GET3: variants seen among roughly 807,000 people sequenced by gnomAD.
GET3 encodes ATPase GET3.
Under a neutral mutation model 32.4 loss-of-function variants are expected in GET3, and 15 were observed. The ratio of observed to expected loss-of-function variants is 0.46; its 90% CI spans 0.31 to 0.71. The LOEUF (loss-of-function observed/expected upper bound fraction) is 0.71. Among genes scored for constraint, GET3 ranks in the 30% least tolerant of loss-of-function variants. The pLI is 0.05. For missense variants in GET3, 333 were observed against 459.0 expected, an observed-to-expected ratio of 0.73 and a Z score of 2.51; for synonymous variants, 198 against 185.6, an observed-to-expected ratio of 1.07 and a Z score of -0.54.
chr19:12,747,668 C>G lies in GET3; in HGVS notation c.915+76C>G, dbSNP rs1967799597. On this transcript the variant is annotated intron_variant, in intron 6 of 6. Coordinates refer to ENST00000357332, the MANE Select transcript of GET3 (RefSeq NM_004317.4). The surrounding 1 kb of genome is among the most constrained non-coding windows in gnomAD (Gnocchi z 4.0). Reference sequence around the variant, plus strand: ...ATTCTCTGATCTTTTGCTCCACCATCTGGCCCTCTGCCCTCTAGCCTCCTG... The same window carrying G: ...ATTCTCTGATCTTTTGCTCCACCATGTGGCCCTCTGCCCTCTAGCCTCCTG... 6.6e-7 allele frequency: 1 copy of G among 1,509,598 alleles called. No individual in the cohort carries two copies. The highest frequency in any genetic ancestry group is 1.4e-5 in the African/African-American group (1 of 72,500). The allele number at this position is 1,509,598 out of a possible 1,614,324, so 93.5% of individuals were successfully genotyped here. A position where few individuals can be genotyped will look rare whatever the true frequency, so the allele number is the denominator to read the frequency against.
Position 12,745,574 on chromosome 19 carries a change from C to A in GET3, c.459-35C>A, listed in dbSNP as rs149493602. 1.2e-6 allele frequency: 2 copies of A among 1,612,102 alleles called. No individual in the cohort carries two copies. Among genetic ancestry groups the A allele is most frequent in the South Asian group, 1.1e-5 (1 of 91,080 alleles). On this transcript the variant is annotated intron_variant, in intron 3 of 6. Transcript: ENST00000357332. The surrounding 1 kb of genome is among the most constrained non-coding windows in gnomAD (Gnocchi z 5.0). ...GGGGCTGCCTGGGGAAGGGGAAGAG[C>A]GGACACAGAGGGCCTGACCCCTGTC...
At chr19:12,744,255 A>G (rs1445775156) in intron 2 of GET3, among the ~76,000 whole-genome samples, 1 of 150,056 alleles carries the variant, frequency 6.7e-6, no homozygotes, top group Non-Finnish European at 1.5e-5. Flanking sequence ...ATTGAGTCTG[A>G]GACTGGCCAG....
In GET3 at chr19:12,747,388, C is replaced by T. The variant is rs780239553; in HGVS notation, c.718-7C>T. On this transcript the variant is annotated splice_polypyrimidine_tract_variant and splice_region_variant and intron_variant, in intron 5 of 6. Transcript: ENST00000357332. The surrounding 1 kb of genome is among the most constrained non-coding windows in gnomAD (Gnocchi z 4.0). ...CGCCCCTCACTGTCCTCTCTCGTGCCCTGTAGGAGCAGACAACTTTCATCT... is the reference window on the plus strand; with the variant it reads ...CGCCCCTCACTGTCCTCTCTCGTGCTCTGTAGGAGCAGACAACTTTCATCT... 8.7e-6 allele frequency: 14 copies of T among 1,614,014 alleles called. No individual in the cohort carries two copies. Among genetic ancestry groups the T allele is most frequent in the Non-Finnish European group, 1.1e-5 (13 of 1,180,010 alleles).
Position 12,743,841 on chromosome 19 carries a change from T to G in GET3, c.310-1536T>G, listed in dbSNP as rs561827998. On this transcript the variant is annotated intron_variant, in intron 2 of 6. Coordinates refer to ENST00000357332, the MANE Select transcript of GET3 (RefSeq NM_004317.4). ...CCCCCTGGGGTTCATGCCATTCTCC[T>G]GCCTCAGCCTCCCAAGTAGCTGGGA... 3.5e-4 allele frequency among the ~76,000 whole-genome samples: 47 copies of G among 132,664 alleles called. No homozygotes were observed. In the East Asian group the frequency reaches 0.013, roughly 35 times the overall value. 87.0% of individuals were successfully genotyped at this position (132,664 alleles called of 152,430 possible).
At chr19:12,740,686 A>T (rs1230939622) in intron 2 of GET3, among the ~76,000 whole-genome samples, 1 of 152,184 alleles carries the variant, frequency 6.6e-6, no homozygotes, top group Non-Finnish European at 1.5e-5. Flanking sequence ...AAAATAATAA[A>T]TAAAAATAAA....
In GET3 at chr19:12,745,221, C is replaced by G. The variant is rs2145692903; in HGVS notation, c.310-156C>G. ...CCCTAAGTACTACCTCAGGGTCCCC[C>G]CAGCCGTGACCTAATGAAATGCCTG... On this transcript the variant is annotated intron_variant, in intron 2 of 6. Coordinates refer to ENST00000357332, the MANE Select transcript of GET3 (RefSeq NM_004317.4). This position sits in a 1 kb window ranked among gnomAD's most constrained non-coding sequence, Gnocchi z 5.0. Among the ~76,000 whole-genome samples, 1 of 152,014 alleles carries G rather than the reference C, an allele frequency of 6.6e-6. No homozygotes were observed. Among genetic ancestry groups the G allele is most frequent in the South Asian group, 2.1e-4 (1 of 4,816 alleles).
Position 12,747,230 on chromosome 19 carries a change from G to A in GET3, c.643G>A (p.Ala215Thr). Reference protein sequence around the residue: ...CNMLGLGDMNADQLASKLEET... With the variant: ...CNMLGLGDMNTDQLASKLEET... ...CATGCTGGGCCTGGGGGACATGAAC[G>A]CAGACCAGCTGGCCTCCAAGCTGGA... Residue 215 changes from alanine to threonine, a missense_variant, in exon 5 of 7, where the codon GCA becomes ACA. Coordinates refer to ENST00000357332, the MANE Select transcript of GET3 (RefSeq NM_004317.4). The surrounding 1 kb of genome is among the most constrained non-coding windows in gnomAD (Gnocchi z 4.0). 2 of 1,611,012 alleles carry A rather than the reference G, an allele frequency of 1.2e-6. No homozygotes were observed. Among genetic ancestry groups the A allele is most frequent in the Admixed American group, 1.7e-5 (1 of 59,702 alleles).
chr19:12,744,508 C>T (rs1377097133), intron 2 of GET3, among the ~76,000 whole-genome samples: 2 of 152,008 alleles, frequency 1.3e-5, no homozygotes, highest in African/African-American at 4.8e-5. Context: ...TTAGTAGAGA[C>T]GGGGTTTCAC....
At chr19:12,741,183 A>G (rs1293632059) in intron 2 of GET3, among the ~76,000 whole-genome samples, 6 of 152,076 alleles carry the variant, frequency 3.9e-5, no homozygotes, top group Non-Finnish European at 7.4e-5. Context: ...TTAGCTGGGC[A>G]TGGTGGCTCA....
Position 12,747,026 on chromosome 19 carries a change from G to A in GET3, c.610-171G>A, listed in dbSNP as rs1364342345. Among the ~76,000 whole-genome samples the A allele has an allele frequency of 6.7e-6, 1 of 149,026 alleles. No homozygotes were observed. Among genetic ancestry groups the A allele is most frequent in the Non-Finnish European group, 1.5e-5 (1 of 66,872 alleles). On this transcript the variant is annotated intron_variant, in intron 4 of 6. Coordinates refer to ENST00000357332, the MANE Select transcript of GET3 (RefSeq NM_004317.4). This position sits in a 1 kb window ranked among gnomAD's most constrained non-coding sequence, Gnocchi z 4.0. ...CTCCATTTCAAAAAAAAAAAAAAAAGAAAGAAAGAAATGGAAAAGCTAGTA... is the reference window on the plus strand; with the variant it reads ...CTCCATTTCAAAAAAAAAAAAAAAAAAAAGAAAGAAATGGAAAAGCTAGTA...
At position 12,738,506 on chromosome 19, in the gene GET3, C is replaced by T; in HGVS notation, c.162-5C>T. ...CCCCTATCTTTTGACTTTTCCATTA[C>T]TCAGCTGCAGCCTGGCAGTCCAGCT... On this transcript the variant is annotated splice_region_variant and splice_polypyrimidine_tract_variant and intron_variant, in intron 1 of 6. Transcript: ENST00000357332. 1 of 1,614,000 alleles carries T rather than the reference C, an allele frequency of 6.2e-7. No individual in the cohort carries two copies. Among genetic ancestry groups the T allele is most frequent in the Non-Finnish European group, 8.5e-7 (1 of 1,179,984 alleles).
intron 1 of GET3, among the ~76,000 whole-genome samples, chr19:12,738,106 T>A (rs1599446329): frequency 6.6e-6 from 1 of 151,960 alleles, no homozygotes; most frequent in South Asian, 2.1e-4. Flanking sequence ...GCAGGAGGTG[T>A]CCGTTGGACA....
chr19:12,738,060 G>C (rs1035521352), intron 1 of GET3, among the ~76,000 whole-genome samples: 1 of 152,188 alleles, frequency 6.6e-6, no homozygotes, highest in Non-Finnish European at 1.5e-5. Context: ...AAGCGAGGGA[G>C]AGAGCACGTG....
chr19:12,746,363 C>A (rs1435696414), intron 4 of GET3, among the ~76,000 whole-genome samples: 5 of 152,094 alleles, frequency 3.3e-5, no homozygotes, highest in Non-Finnish European at 7.4e-5. Flanking sequence ...GAACTCCTGG[C>A]CTCAAGCAGT....
chr19:12,744,793 A>AT (rs998420381), intron 2 of GET3, among the ~76,000 whole-genome samples: 4 of 151,344 alleles, frequency 2.6e-5, no homozygotes, highest in East Asian at 3.9e-4. Context: ...GGAAGGGCTA[A>AT]TTTTTTTTTC....
chr19:12,738,427 C>T, intron 1 of GET3, 84 bp from the exon 2 acceptor site: 2 of 1,557,616 alleles, frequency 1.3e-6, no homozygotes, highest in Non-Finnish European at 1.7e-6. Context: ...TCACCTGCTC[C>T]AGGGAACCTA....
At position 12,747,561 on chromosome 19, in the gene GET3, G is replaced by A. The variant is rs752633357; in HGVS notation, c.884G>A (p.Arg295His). ...PEKPCKMCEA[R>H]HKIQAKYLDQ... is the part of the protein sequence containing the mutation. ...AAGCCCTGCAAGATGTGTGAGGCCC[G>A]TCACAAGATCCAGGCCAAGTATCTG... is the stretch of plus-strand genomic sequence containing the variant. Residue 295 changes from arginine to histidine, a missense_variant, in exon 6 of 7, where the codon CGT becomes CAT. Coordinates refer to ENST00000357332, the MANE Select transcript of GET3 (RefSeq NM_004317.4). This position sits in a 1 kb window ranked among gnomAD's most constrained non-coding sequence, Gnocchi z 4.0. 8.7e-6 allele frequency: 14 copies of A among 1,613,112 alleles called. No homozygotes were observed. The highest frequency in any genetic ancestry group is 1.2e-5 in the Non-Finnish European group (14 of 1,179,874).
Position 12,745,546 on chromosome 19 carries a change from G to T in GET3, c.458+21G>T, listed in dbSNP as rs780415811. The T allele has an allele frequency of 3.1e-6, 5 of 1,612,744 alleles. No individual in the cohort carries two copies. Among genetic ancestry groups the T allele is most frequent in the South Asian group, 2.2e-5 (2 of 91,092 alleles). ...ATGAGGTCAGGCCCAGCCAGCAGGG[G>T]TGGGGGCTGCCTGGGGAAGGGGAAG... On this transcript the variant is annotated intron_variant, in intron 3 of 6. Transcript: ENST00000357332. The surrounding 1 kb of genome is among the most constrained non-coding windows in gnomAD (Gnocchi z 5.0).
chr19:12,740,862 T>A (rs1207231123), intron 2 of GET3, among the ~76,000 whole-genome samples: 2 of 152,060 alleles, frequency 1.3e-5, no homozygotes, highest in African/African-American at 4.8e-5. Flanking sequence ...ATGAGGGTGT[T>A]GGCAGCCAAT....
Sources: allele counts gnomAD v4.1 joint callset (sites outside exome capture counted in the v4.1 genomes callset), GRCh38; gene constraint gnomAD v4.1.1; non-coding constraint Gnocchi (gnomAD v3.1); transcripts MANE v1.5; gene names NCBI Gene and HGNC (gene_info 2026-07-23, HGNC 2026-07-21).